The following FRAS1 variants were observed in gnomAD, a reference collection of about 807,000 sequenced individuals.
FRAS1 encodes Fraser extracellular matrix complex subunit 1, also known as extracellular matrix organizing protein FRAS1.
Under a neutral mutation model 435.2 loss-of-function variants are expected in FRAS1, and 290 were observed. The ratio of observed to expected loss-of-function variants is 0.67; its 90% CI spans 0.61 to 0.73. FRAS1 has a LOEUF of 0.73. Ranked by LOEUF, FRAS1 falls within the 30% of genes least tolerant of loss-of-function variation. FRAS1 has a pLI of 0.00. For missense variants in FRAS1, 4,860 were observed against 5,001.5 expected, an observed-to-expected ratio of 0.97 and a Z score of 0.85; for synonymous variants, 1,800 against 1,851.0, an observed-to-expected ratio of 0.97 and a Z score of 0.71.
At chr4:78,162,741 G>A (rs1434181559) in intron 2 of FRAS1, among the ~76,000 whole-genome samples, 1 of 152,168 alleles carries the variant, frequency 6.6e-6, no homozygotes, top group Admixed American at 6.5e-5. Flanking sequence ...TTCTCCTGAG[G>A]CTGTAAGGCA....
intron 10 of FRAS1, among the ~76,000 whole-genome samples, chr4:78,280,501 G>T (rs1193800094): frequency 6.6e-6 from 1 of 151,532 alleles, no homozygotes; most frequent in Non-Finnish European, 1.5e-5. Flanking sequence ...GTTGACTGGG[G>T]TTAACTGAAA....
chr4:78,461,731 G>A (rs2109843960), intron 47 of FRAS1, among the ~76,000 whole-genome samples: 1 of 152,152 alleles, frequency 6.6e-6, no homozygotes, highest in Middle Eastern at 3.4e-3. Flanking sequence ...ATATATTCCA[G>A]GTATTTCGCT....
At position 78,184,003 on chromosome 4, in the gene FRAS1, A is replaced by G. The variant is rs573699734; in HGVS notation, c.109-53507A>G. 5.3e-5 allele frequency among the ~76,000 whole-genome samples: 8 copies of G among 152,276 alleles called. No individual in the cohort carries two copies. In the South Asian group the frequency reaches 1.7e-3, roughly 32 times the overall value. ...CCATTGACCAGTGACGTTAGTATCA[A>G]TTGGGAGCTTGTCAGAAATGTACAC... is the stretch of plus-strand genomic sequence containing the variant. On this transcript the variant is annotated intron_variant, in intron 2 of 73. Transcript: ENST00000512123.
At chr4:78,239,822 A>G (rs1724926708) in intron 3 of FRAS1, among the ~76,000 whole-genome samples, 1 of 152,188 alleles carries the variant, frequency 6.6e-6, no homozygotes, top group Non-Finnish European at 1.5e-5. Flanking sequence ...ACATATATGT[A>G]TACATATATT....
chr4:78,082,971 T>C (rs1740963365), intron 2 of FRAS1, among the ~76,000 whole-genome samples: 1 of 152,158 alleles, frequency 6.6e-6, no homozygotes, highest in Non-Finnish European at 1.5e-5. Flanking sequence ...AACATTAGAC[T>C]GCATGGAGTC....
At chr4:78,341,347 G>A (rs13123934) in intron 20 of FRAS1, among the ~76,000 whole-genome samples, 15,574 of 152,134 alleles carry the variant, frequency 0.1, 899 homozygotes, top group African/African-American at 0.15. Context: ...TGGTACACCC[G>A]TGGGGATGCC....
At chr4:78,385,712 G>T (rs62309929) in intron 28 of FRAS1, among the ~76,000 whole-genome samples, 1 of 151,872 alleles carries the variant, frequency 6.6e-6, no homozygotes, top group Non-Finnish European at 1.5e-5. Context: ...TGGTGAAACC[G>T]CGTCTCTACT....
chr4:78,265,470 A>C (rs991715999), intron 7 of FRAS1, among the ~76,000 whole-genome samples: 1 of 152,114 alleles, frequency 6.6e-6, no homozygotes, highest in African/African-American at 2.4e-5. Flanking sequence ...TTATGCATTG[A>C]CATCTGGAGA....
rs534018640 is a variant in FRAS1, at chr4:78,284,475, C to T, written c.1326C>T (p.Thr442=). The T allele has an allele frequency of 1.9e-6, 3 of 1,613,806 alleles. No homozygotes were observed. Among genetic ancestry groups the T allele is most frequent in the Admixed American group, 1.7e-5 (1 of 60,010 alleles). ...ACTGTGACCTCTGCCAAGATCCTAC[C>T]AAGTTACTGCAGAATGGATGGTGTG... ...PDHCDLCQDP[T]KLLQNGWCVH... The change falls in exon 13 of 74, where the codon ACC becomes ACT. Residue 442 remains threonine, a synonymous_variant. Coordinates refer to ENST00000512123, the MANE Select transcript of FRAS1 (RefSeq NM_025074.7).
rs1028893079 is a variant in FRAS1 at position 78,094,835 on chromosome 4, T to G, written c.108+28819T>G. ...TGTTCTATTTAGTAGCTGTTGGACC[T>G]TGGGCAAGTTAGAATTCCTATGCCT... On this transcript the variant is annotated intron_variant, in intron 2 of 73. Transcript: ENST00000512123. 2.6e-5 allele frequency among the ~76,000 whole-genome samples: 4 copies of G among 152,188 alleles called. No homozygotes were observed. The East Asian group carries it at 5.8e-4, about 22-fold the overall frequency.
intron 2 of FRAS1, among the ~76,000 whole-genome samples, chr4:78,154,493 T>A (rs1028477616): frequency 5.3e-5 from 8 of 152,204 alleles, no homozygotes; most frequent in African/African-American, 1.9e-4. Flanking sequence ...ACCACCCACC[T>A]TTTAAAGCTA....
intron 34 of FRAS1, among the ~76,000 whole-genome samples, chr4:78,423,240 C>T (rs1413776123): frequency 6.6e-6 from 1 of 151,794 alleles, no homozygotes; most frequent in African/African-American, 2.4e-5. Flanking sequence ...GATCTTGGCT[C>T]ACTGCAACTT....
chr4:78,179,188 C>T (rs950371889), intron 2 of FRAS1, among the ~76,000 whole-genome samples: 1 of 152,160 alleles, frequency 6.6e-6, no homozygotes, highest in Non-Finnish European at 1.5e-5. Context: ...CAACTTAGAA[C>T]CAGAAAATGG....
At chr4:78,086,626 C>CT (rs1369506069) in intron 2 of FRAS1, among the ~76,000 whole-genome samples, 2 of 151,090 alleles carry the variant, frequency 1.3e-5, no homozygotes, top group African/African-American at 4.8e-5. Context: ...TACAAACTAC[C>CT]ATCAGAGAAT....
intron 2 of FRAS1, chr4:78,180,960 C>T (rs1295925618): frequency 2.4e-5 from 39 of 1,610,706 alleles, no homozygotes; most frequent in Middle Eastern, 1.7e-4. Context: ...GCGCCCACCA[C>T]GCCCATGTCC....
intron 50 of FRAS1, among the ~76,000 whole-genome samples, chr4:78,466,951 G>T (rs2013759): frequency 0.37 from 56,278 of 151,774 alleles, 10,913 homozygotes; most frequent in African/African-American, 0.48. Flanking sequence ...TTTAATTTTT[G>T]TGGGTACATA....
chr4:78,281,940 G>C (rs1438520261), intron 11 of FRAS1, among the ~76,000 whole-genome samples: 5 of 152,152 alleles, frequency 3.3e-5, no homozygotes, highest in Non-Finnish European at 5.9e-5. Context: ...TCTCAAGACG[G>C]GTCCGCTTTC....
intron 24 of FRAS1, 121 bp downstream of exon 24, chr4:78,372,979 T>C: frequency 8.7e-7 from 1 of 1,149,208 alleles, no homozygotes; most frequent in Non-Finnish European, 1.2e-6. Flanking sequence ...ATTTCTGGTT[T>C]CTTTCCTAAG....
At chr4:78,529,307 G>T (rs1023793687) in intron 70 of FRAS1, among the ~76,000 whole-genome samples, 2 of 152,064 alleles carry the variant, frequency 1.3e-5, no homozygotes, top group Non-Finnish European at 2.9e-5. Context: ...ATATGCTGGG[G>T]AATTTTAATT....
Sources: allele counts gnomAD v4.1 joint callset (sites outside exome capture counted in the v4.1 genomes callset), GRCh38; gene constraint gnomAD v4.1.1; transcripts MANE v1.5; gene names NCBI Gene and HGNC (gene_info 2026-07-23, HGNC 2026-07-21).